Variants in SYT9 observed in about 807,000 individuals in gnomAD.
The protein encoded by SYT9 is synaptotagmin 9.
In SYT9, 22 loss-of-function variants were observed where a neutral mutation model predicts 48.4. The observed-to-expected ratio is 0.45, with a 90% confidence interval of 0.32 to 0.65. SYT9 has a LOEUF of 0.65. Among genes scored for constraint, SYT9 ranks in the 30% least tolerant of loss-of-function variants. The pLI is 0.03. For missense variants in SYT9, 577 were observed against 622.0 expected (o/e 0.93, Z 0.77); for synonymous variants, 265 against 245.0 (o/e 1.08, Z -0.76).
At chr11:7,407,206 A>C (rs917053651) in intron 3 of SYT9, among the ~76,000 whole-genome samples, 4 of 151,942 alleles carry the variant, frequency 2.6e-5, no homozygotes, top group African/African-American at 9.7e-5. Context: ...AAATTTAATA[A>C]ATTTAATATA....
Position 7,432,566 on chromosome 11 carries a change from AAAAAAAAAAAAAAAAAATATATATACAT to A in SYT9, c.1467+11933_1467+11960del, listed in dbSNP as rs1847605705. 5.3e-4 allele frequency among the ~76,000 whole-genome samples: 7 copies of A among 13,210 alleles called. No individual in the cohort carries two copies. In the South Asian group the frequency reaches 0.011, roughly 22 times the overall value. 8.7% of individuals were successfully genotyped at this position (13,210 alleles called of 152,430 possible). A position where few individuals can be genotyped will look rare whatever the true frequency, so the allele number is the denominator to read the frequency against. ...CCATCTCAAAAAAAAAAAAAAAAAA[AAAAAAAAAAAAAAAAAATATATATACAT>A]ATATATATATATATATATATATATA... is the stretch of plus-strand genomic sequence containing the variant. On this transcript the variant is annotated intron_variant, in intron 6 of 6. Transcript: ENST00000318881.
At chr11:7,343,022 G>A (rs1394294057) in intron 3 of SYT9, among the ~76,000 whole-genome samples, 1 of 152,236 alleles carries the variant, frequency 6.6e-6, no homozygotes, top group Non-Finnish European at 1.5e-5. Context: ...CATCTGGGAT[G>A]TAGGGCACCA....
chr11:7,430,697 G>A (rs1040175983), intron 6 of SYT9, among the ~76,000 whole-genome samples: 1 of 152,118 alleles, frequency 6.6e-6, no homozygotes, highest in South Asian at 2.1e-4. Context: ...GTGAGTTCTT[G>A]CAAGATCTGG....
upstream of SYT9, among the ~76,000 whole-genome samples, chr11:7,247,583 A>G (rs1015293148): frequency 2.0e-5 from 3 of 147,900 alleles, no homozygotes; most frequent in Admixed American, 6.8e-5. Flanking sequence ...ATATACATAT[A>G]TATGTGTATA....
chr11:7,267,922 A>C (rs948671485), intron 1 of SYT9, among the ~76,000 whole-genome samples: 1 of 152,044 alleles, frequency 6.6e-6, no homozygotes, highest in Non-Finnish European at 1.5e-5. Context: ...CAGATACAGA[A>C]GACAATAGAA....
At chr11:7,423,378 G>A (rs1281137370) in intron 6 of SYT9, among the ~76,000 whole-genome samples, 4 of 152,186 alleles carry the variant, frequency 2.6e-5, no homozygotes, top group Admixed American at 1.3e-4. Flanking sequence ...GGATGGAGGA[G>A]GCAACAGGCA....
rs1396225565 is a variant in SYT9 at position 7,288,245 on chromosome 11, G to A, written c.146-14794G>A. Among the ~76,000 whole-genome samples, 3 of 151,322 alleles carry A rather than the reference G, an allele frequency of 2.0e-5. No homozygotes were observed. The East Asian group carries it at 5.9e-4, about 30-fold the overall frequency. On this transcript the variant is annotated intron_variant, in intron 1 of 6. Transcript: ENST00000318881. ...GGGTTTGAAAGGGACTATGTACCTG[G>A]CTATTGTTGGTATTTGGTAAAACTA...
intron 3 of SYT9, among the ~76,000 whole-genome samples, chr11:7,415,622 T>C (rs1847228124): frequency 6.6e-6 from 1 of 152,094 alleles, no homozygotes; most frequent in South Asian, 2.1e-4. Context: ...CCTGTTTGTG[T>C]AACTTTGACT....
intron 3 of SYT9, among the ~76,000 whole-genome samples, chr11:7,386,923 A>G (rs1417148673): frequency 6.6e-6 from 1 of 152,232 alleles, no homozygotes; most frequent in Non-Finnish European, 1.5e-5. Context: ...GATAGACTGG[A>G]TTAAGAAAAT....
intron 6 of SYT9, among the ~76,000 whole-genome samples, chr11:7,427,066 T>C (rs989727107): frequency 6.6e-6 from 1 of 150,746 alleles, no homozygotes; most frequent in African/African-American, 2.5e-5. Flanking sequence ...CTCTGTTACG[T>C]AGGTATTGAG....
intron 3 of SYT9, among the ~76,000 whole-genome samples, chr11:7,399,405 T>C (rs528349143): frequency 6.6e-6 from 1 of 152,316 alleles, no homozygotes; most frequent in Non-Finnish European, 1.5e-5. Context: ...CTTAATGGTA[T>C]GCTGATTATT....
intron 2 of SYT9, among the ~76,000 whole-genome samples, chr11:7,310,136 G>C (rs1358789793): frequency 6.6e-6 from 1 of 152,104 alleles, no homozygotes. Flanking sequence ...TTGGTTTTTG[G>C]TTTTTGAGTT....
chr11:7,378,486 G>C (rs1850497217), intron 3 of SYT9, among the ~76,000 whole-genome samples: 1 of 152,018 alleles, frequency 6.6e-6, no homozygotes, highest in African/African-American at 2.4e-5. Flanking sequence ...ACATTTTACA[G>C]TTAGAATGAA....
At chr11:7,358,690 ATTG>A (rs1850069370) in intron 3 of SYT9, among the ~76,000 whole-genome samples, 1 of 152,176 alleles carries the variant, frequency 6.6e-6, no homozygotes, top group Non-Finnish European at 1.5e-5. Flanking sequence ...AGAAGATAAT[ATTG>A]TTTTACATTT....
intron 6 of SYT9, among the ~76,000 whole-genome samples, chr11:7,421,900 A>T (rs1040967181): frequency 6.6e-6 from 1 of 152,204 alleles, no homozygotes; most frequent in Non-Finnish European, 1.5e-5. Flanking sequence ...AAGGAGAGAG[A>T]TGTTTACTGT....
intron 6 of SYT9, among the ~76,000 whole-genome samples, chr11:7,462,130 C>A (rs1347965894): frequency 6.6e-6 from 1 of 152,218 alleles, no homozygotes; most frequent in Non-Finnish European, 1.5e-5. Context: ...ATTTACCATT[C>A]TGGGCATAGC....
intron 1 of SYT9, among the ~76,000 whole-genome samples, chr11:7,263,943 A>G (rs1276866439): frequency 6.6e-6 from 1 of 152,152 alleles, no homozygotes; most frequent in Non-Finnish European, 1.5e-5. Context: ...AAATAACTGT[A>G]TGTTTGTATG....
chr11:7,353,292 C>T (rs1279773169), intron 3 of SYT9, among the ~76,000 whole-genome samples: 58 of 152,118 alleles, frequency 3.8e-4, no homozygotes, highest in Non-Finnish European at 1.5e-5. Flanking sequence ...TCCTCCAGCC[C>T]CCAGGAACCA....
chr11:7,294,627 C>T (rs1848760413), intron 1 of SYT9, among the ~76,000 whole-genome samples: 1 of 152,166 alleles, frequency 6.6e-6, no homozygotes, highest in Admixed American at 6.5e-5. Flanking sequence ...TCCATGAGGT[C>T]CTAAGGCTCA....
Sources: allele counts gnomAD v4.1 joint callset (sites outside exome capture counted in the v4.1 genomes callset), GRCh38; gene constraint gnomAD v4.1.1; transcripts MANE v1.5; gene names NCBI Gene and HGNC (gene_info 2026-07-23, HGNC 2026-07-21).